Variants in TRPM3 observed in about 807,000 individuals in gnomAD.
TRPM3 encodes the protein transient receptor potential cation channel subfamily M member 3.
Under a neutral mutation model 181.2 loss-of-function variants are expected in TRPM3, and 77 were observed. The ratio of observed to expected loss-of-function variants is 0.42; its 90% CI spans 0.35 to 0.51. The LOEUF is 0.51. Among genes scored for constraint, TRPM3 ranks in the 20% least tolerant of loss-of-function variants. The pLI is 0.01. For missense variants in TRPM3, 1,759 were observed against 2,196.7 expected (o/e 0.80, Z 3.98); for synonymous variants, 745 against 796.4 (o/e 0.94, Z 1.09).
At chr9:70,547,084 T>G (rs962783649) in intron 25 of TRPM3, among the ~76,000 whole-genome samples, 1 of 151,836 alleles carries the variant, frequency 6.6e-6, no homozygotes, top group Non-Finnish European at 1.5e-5. Context: ...GGAGGAGGAG[T>G]ATGAATCTCA....
chr9:70,572,774 C>G (rs1339450368), intron 22 of TRPM3, among the ~76,000 whole-genome samples: 1 of 152,178 alleles, frequency 6.6e-6, no homozygotes, highest in African/African-American at 2.4e-5. Context: ...TGATAACTCT[C>G]TCCACCATTT....
At chr9:71,169,818 A>C (rs924852048) in intron 1 of TRPM3, among the ~76,000 whole-genome samples, 6 of 151,216 alleles carry the variant, frequency 4.0e-5, no homozygotes, top group Non-Finnish European at 8.9e-5. Flanking sequence ...AATTTTTAGA[A>C]ATATTTTTTA....
intron 9 of TRPM3, among the ~76,000 whole-genome samples, chr9:70,662,038 T>C (rs530543934): frequency 2.6e-5 from 4 of 152,270 alleles, no homozygotes; most frequent in African/African-American, 9.6e-5. Context: ...AAGGTTACAG[T>C]TATCAAAACC....
chr9:71,233,797 C>T (rs2081208547), intron 1 of TRPM3, among the ~76,000 whole-genome samples: 1 of 152,214 alleles, frequency 6.6e-6, no homozygotes, highest in Non-Finnish European at 1.5e-5. Flanking sequence ...TTTAAAATGT[C>T]ATTCCAGGCT....
At chr9:70,668,622 G>T (rs1414543626) in intron 9 of TRPM3, among the ~76,000 whole-genome samples, 1 of 132,742 alleles carries the variant, frequency 7.5e-6, no homozygotes, top group Non-Finnish European at 1.5e-5. Flanking sequence ...CCGAGATCGC[G>T]CCACTGCACT....
At chr9:71,080,323 G>A (rs150944335) in intron 1 of TRPM3, among the ~76,000 whole-genome samples, 2 of 152,060 alleles carry the variant, frequency 1.3e-5, no homozygotes, top group South Asian at 2.1e-4. Flanking sequence ...TAGATAACTC[G>A]GAAAAGTTTT....
At chr9:70,654,025 C>T (rs904436741) in intron 9 of TRPM3, among the ~76,000 whole-genome samples, 2 of 151,632 alleles carry the variant, frequency 1.3e-5, no homozygotes, top group African/African-American at 4.8e-5. Flanking sequence ...CTGAGAGCTC[C>T]AAACTTAGGG....
At chr9:70,635,101 G>T (rs565481264) in intron 12 of TRPM3, 110 bp downstream of exon 12, 30 of 842,708 alleles carry the variant, frequency 3.6e-5, no homozygotes, top group African/African-American at 2.5e-4. Flanking sequence ...AATGAGTGGC[G>T]CCTGATAGGG....
chr9:71,288,940 A>C (rs1347473627), intron 1 of TRPM3, among the ~76,000 whole-genome samples: 1 of 152,118 alleles, frequency 6.6e-6, no homozygotes, highest in Non-Finnish European at 1.5e-5. Flanking sequence ...GGGGGAAAAA[A>C]AATTCCCAAG....
At chr9:70,615,809 G>C (rs1214852050) in intron 18 of TRPM3, 99 bp downstream of exon 18, 5 of 1,240,572 alleles carry the variant, frequency 4.0e-6, no homozygotes, top group Non-Finnish European at 4.5e-6. Context: ...GCTGGGAACA[G>C]ATGTCTGACC....
At chr9:70,972,598 A>G (rs2097258503) in intron 1 of TRPM3, among the ~76,000 whole-genome samples, 1 of 152,036 alleles carries the variant, frequency 6.6e-6, no homozygotes, top group Non-Finnish European at 1.5e-5. Context: ...TAAATTATAC[A>G]CCCTAGAAAC....
At chr9:70,696,591 A>T (rs1315554784) in intron 8 of TRPM3, among the ~76,000 whole-genome samples, 1 of 152,220 alleles carries the variant, frequency 6.6e-6, no homozygotes, top group East Asian at 1.9e-4. Context: ...AAGAAAGAAA[A>T]GTTTCTGGGT....
chr9:71,111,621 T>C (rs2071122566), intron 1 of TRPM3, among the ~76,000 whole-genome samples: 1 of 152,174 alleles, frequency 6.6e-6, no homozygotes, highest in Non-Finnish European at 1.5e-5. Flanking sequence ...AAATCCTGTT[T>C]TAACGAAACA....
intron 1 of TRPM3, among the ~76,000 whole-genome samples, chr9:71,380,485 C>A (rs2092773013): frequency 6.6e-6 from 1 of 152,048 alleles, no homozygotes; most frequent in East Asian, 1.9e-4. Context: ...ATTGACTAAG[C>A]AGAGTGGCCT....
At chr9:70,777,053 TA>T (rs2081499458) in intron 7 of TRPM3, among the ~76,000 whole-genome samples, 1 of 152,154 alleles carries the variant, frequency 6.6e-6, no homozygotes, top group South Asian at 2.1e-4. Context: ...TTGTTGTTGT[TA>T]AACAAGTAGC....
chr9:70,777,036 G>A (rs1013775729), intron 7 of TRPM3, among the ~76,000 whole-genome samples: 1 of 152,078 alleles, frequency 6.6e-6, no homozygotes, highest in Admixed American at 6.6e-5. Flanking sequence ...GATTTTTGTT[G>A]TTGTTGTTGT....
chr9:70,959,531 A>C (rs1411356143), intron 1 of TRPM3, among the ~76,000 whole-genome samples: 8 of 152,048 alleles, frequency 5.3e-5, no homozygotes, highest in African/African-American at 1.7e-4. Flanking sequence ...CAGTCCTTTT[A>C]AAAAGCAATC....
intron 7 of TRPM3, among the ~76,000 whole-genome samples, chr9:70,773,465 G>C (rs573500202): frequency 1.1e-3 from 165 of 152,242 alleles, no homozygotes; most frequent in Non-Finnish European, 2.9e-4. Context: ...GCATGCTGCT[G>C]GGGAGAGGGT....
intron 1 of TRPM3, among the ~76,000 whole-genome samples, chr9:71,178,046 G>T (rs1473727230): frequency 6.6e-6 from 1 of 151,538 alleles, no homozygotes; most frequent in Non-Finnish European, 1.5e-5. Flanking sequence ...AAGCTTAGTA[G>T]GTTTTAGGAT....
Sources: allele counts gnomAD v4.1 joint callset (sites outside exome capture counted in the v4.1 genomes callset), GRCh38; gene constraint gnomAD v4.1.1; transcripts MANE v1.5; gene names NCBI Gene and HGNC (gene_info 2026-07-23, HGNC 2026-07-21).